Variants in PRKG1 observed in about 807,000 individuals in gnomAD.
The protein encoded by PRKG1 is protein kinase cGMP-dependent 1.
PRKG1 carries 35 observed loss-of-function variants against 88.1 expected under a neutral mutation model. That is an observed-to-expected ratio of 0.40 (90% CI 0.30 to 0.53). The LOEUF is 0.53. Ranked by LOEUF, PRKG1 falls within the 20% of genes least tolerant of loss-of-function variation. The pLI, the probability that PRKG1 is intolerant of heterozygous loss-of-function variation, is 0.59. For missense variants in PRKG1, 540 were observed against 839.8 expected (o/e 0.64, Z 4.41); for synonymous variants, 303 against 292.5 (o/e 1.04, Z -0.37).
intron 1 of PRKG1, among the ~76,000 whole-genome samples, chr10:51,083,948 C>T (rs1319734226): frequency 6.6e-6 from 1 of 152,242 alleles, no homozygotes; most frequent in South Asian, 2.1e-4. Context: ...GCCAATATAG[C>T]ACTTTATATA....
At chr10:51,503,344 A>G (rs1262692123) in intron 3 of PRKG1, among the ~76,000 whole-genome samples, 2 of 152,138 alleles carry the variant, frequency 1.3e-5, no homozygotes, top group East Asian at 3.8e-4. Flanking sequence ...TGTAGCCCAC[A>G]TATCTGTAAG....
intron 1 of PRKG1, among the ~76,000 whole-genome samples, chr10:51,019,972 A>G (rs1417133963): frequency 6.6e-6 from 1 of 151,554 alleles, no homozygotes; most frequent in Admixed American, 6.6e-5. Context: ...TAAAATGGCT[A>G]CTATAAAGAA....
intron 3 of PRKG1, among the ~76,000 whole-genome samples, chr10:51,479,968 A>G (rs1015632424): frequency 4.0e-5 from 6 of 151,776 alleles, no homozygotes; most frequent in African/African-American, 1.4e-4. Context: ...TGGAATAATT[A>G]TGTTGATTGA....
At chr10:51,524,678 T>A (rs186104615) in intron 3 of PRKG1, among the ~76,000 whole-genome samples, 4 of 152,354 alleles carry the variant, frequency 2.6e-5, no homozygotes, top group Admixed American at 2.0e-4. Context: ...CTGCCATTTC[T>A]GCCCCTGTGT....
chr10:51,232,521 T>C (rs1838871280), intron 2 of PRKG1, among the ~76,000 whole-genome samples: 1 of 150,228 alleles, frequency 6.7e-6, no homozygotes, highest in Non-Finnish European at 1.5e-5. Context: ...CCTATAACAA[T>C]AAACATTTTA....
intron 3 of PRKG1, among the ~76,000 whole-genome samples, chr10:51,750,711 G>A (rs1837702335): frequency 6.6e-6 from 1 of 152,130 alleles, no homozygotes; most frequent in South Asian, 2.1e-4. Flanking sequence ...ACTTCTAAGG[G>A]TCTCTTTCAA....
At chr10:51,575,535 C>T (rs528106794) in intron 3 of PRKG1, among the ~76,000 whole-genome samples, 1 of 151,812 alleles carries the variant, frequency 6.6e-6, no homozygotes, top group Non-Finnish European at 1.5e-5. Context: ...GGTGGGAAGA[C>T]CTGATTCTTC....
intron 2 of PRKG1, among the ~76,000 whole-genome samples, chr10:51,359,675 G>C (rs1272650861): frequency 1.3e-5 from 2 of 151,854 alleles, no homozygotes; most frequent in African/African-American, 4.8e-5. Flanking sequence ...TTAGGAGTGA[G>C]ACTTTCCTTG....
intron 3 of PRKG1, among the ~76,000 whole-genome samples, chr10:51,736,933 G>A (rs1185054197): frequency 1.3e-5 from 2 of 151,810 alleles, no homozygotes; most frequent in East Asian, 3.9e-4. Context: ...ACACCACCTG[G>A]CCCATAAATC....
chr10:52,083,273 C>T (rs1467016345), intron 7 of PRKG1, among the ~76,000 whole-genome samples: 1 of 151,972 alleles, frequency 6.6e-6, no homozygotes, highest in African/African-American at 2.4e-5. Flanking sequence ...TAGAAAATTA[C>T]ATTGAGCATG....
At position 51,428,969 on chromosome 10, in the gene PRKG1, CAT is replaced by C. The variant is rs566064251; in HGVS notation, c.479-38753_479-38752del. 4.7e-3 allele frequency among the ~76,000 whole-genome samples: 715 copies of C among 152,294 alleles called. 5 individuals carry two copies. Among genetic ancestry groups the C allele is most frequent in the African/African-American group, 0.016 (672 of 41,568 alleles). On this transcript the variant is annotated intron_variant, in intron 2 of 17. Transcript: ENST00000373980. ...CCCTATAGTTCTTAAAGTCTGTACA[CAT>C]GTGCAAATTTGCACTCACAGTCAGA...
chr10:52,051,384 A>G (rs1845984249), intron 5 of PRKG1, among the ~76,000 whole-genome samples: 1 of 152,092 alleles, frequency 6.6e-6, no homozygotes, highest in Non-Finnish European at 1.5e-5. Context: ...TGACCTCTTT[A>G]TCCTTCTGTT....
chr10:51,304,830 T>C lies in PRKG1; in HGVS notation c.478+151500T>C, dbSNP rs185190703. ...ACATGAAATCATCATTTTTTATGGCTGCATAGTATTCCATGGTGTATATGT... is the reference window on the plus strand; with the variant it reads ...ACATGAAATCATCATTTTTTATGGCCGCATAGTATTCCATGGTGTATATGT... On this transcript the variant is annotated intron_variant, in intron 2 of 17. Coordinates refer to ENST00000373980, the MANE Select transcript of PRKG1 (RefSeq NM_006258.4). Among the ~76,000 whole-genome samples, 1,031 of 152,130 alleles carry C rather than the reference T, an allele frequency of 6.8e-3. 11 individuals are homozygous for C. The highest frequency in any genetic ancestry group is 0.02 in the Middle Eastern group (6 of 294).
intron 2 of PRKG1, among the ~76,000 whole-genome samples, chr10:51,258,146 G>T (rs1465459230): frequency 6.6e-6 from 1 of 152,096 alleles, no homozygotes; most frequent in East Asian, 1.9e-4. Flanking sequence ...TGACTTCTGT[G>T]TAAGGCTTCT....
At chr10:51,324,289 T>G (rs190246768) in intron 2 of PRKG1, among the ~76,000 whole-genome samples, 5 of 152,308 alleles carry the variant, frequency 3.3e-5, no homozygotes, top group African/African-American at 1.2e-4. Flanking sequence ...ACCACCATTC[T>G]ACTTTCAACC....
At chr10:51,291,250 A>C (rs1006415019) in intron 2 of PRKG1, among the ~76,000 whole-genome samples, 1 of 152,160 alleles carries the variant, frequency 6.6e-6, no homozygotes, top group Non-Finnish European at 1.5e-5. Context: ...GCCTGTATTG[A>C]CTGAAGCCAA....
At chr10:51,875,439 G>T (rs532034965) in intron 4 of PRKG1, among the ~76,000 whole-genome samples, 4 of 151,898 alleles carry the variant, frequency 2.6e-5, no homozygotes, top group African/African-American at 9.7e-5. Flanking sequence ...TGATTGGTTG[G>T]TTGGTTGGCT....
At chr10:51,678,255 C>A (rs1341051200) in intron 3 of PRKG1, among the ~76,000 whole-genome samples, 1 of 152,056 alleles carries the variant, frequency 6.6e-6, no homozygotes, top group East Asian at 1.9e-4. Context: ...CAAGGGAAGC[C>A]ATTGATTGGG....
intron 17 of PRKG1, among the ~76,000 whole-genome samples, chr10:52,292,081 G>C (rs565333043): frequency 6.6e-6 from 1 of 152,198 alleles, no homozygotes; most frequent in Admixed American, 6.5e-5. Context: ...GTCGGTTCAT[G>C]TCCTTGGCCC....
Sources: gnomAD v4.1 joint callset for allele counts (sites outside exome capture counted in the v4.1 genomes callset) on GRCh38, gnomAD v4.1.1 for gene constraint, MANE v1.5 for transcripts, NCBI Gene and HGNC (gene_info 2026-07-23, HGNC 2026-07-21) for gene names.